PCNX2: variants seen among roughly 807,000 people sequenced by gnomAD.
PCNX2 encodes pecanex-like protein 2.
A neutral mutation model predicts 223.8 loss-of-function variants in PCNX2; 168 were observed. That is an observed-to-expected ratio of 0.75 (90% confidence interval 0.66 to 0.85). PCNX2 has a LOEUF of 0.85. Among genes scored for constraint, PCNX2 ranks in the 40% least tolerant of loss-of-function variants. The pLI, the probability that PCNX2 is intolerant of heterozygous loss-of-function variation, is 0.00. For missense variants in PCNX2, 2,507 were observed against 2,675.5 expected, an observed-to-expected ratio of 0.94 and a Z score of 1.39; for synonymous variants, 1,006 against 1,052.6, an observed-to-expected ratio of 0.96 and a Z score of 0.86.
chr1:233,004,902 G>A (rs1464148190), intron 28 of PCNX2, among the ~76,000 whole-genome samples: 2 of 152,190 alleles, frequency 1.3e-5, no homozygotes, highest in Non-Finnish European at 2.9e-5. Context: ...GCCTAGAGGA[G>A]CCTGGAATCT....
chr1:233,213,984 G>A (rs902662876), intron 12 of PCNX2, among the ~76,000 whole-genome samples: 13 of 151,490 alleles, frequency 8.6e-5, no homozygotes, highest in Admixed American at 2.6e-4. Flanking sequence ...GCCTGCCACC[G>A]TGCCCAGCTA....
At chr1:233,130,130 C>T (rs763473186) in intron 21 of PCNX2, among the ~76,000 whole-genome samples, 4 of 152,104 alleles carry the variant, frequency 2.6e-5, no homozygotes, top group Non-Finnish European at 5.9e-5. Context: ...CTGAAGCCAG[C>T]GAGACCACGA....
Position 233,198,506 on chromosome 1 carries a change from C to A in PCNX2, c.3066+433G>T, listed in dbSNP as rs575223608. Among the ~76,000 whole-genome samples, 4 of 152,170 alleles carry A rather than the reference C, an allele frequency of 2.6e-5. No individual in the cohort carries two copies. The South Asian group carries it at 6.2e-4, about 24-fold the overall frequency. On this transcript the variant is annotated intron_variant, in intron 15 of 33. Coordinates refer to ENST00000258229, the MANE Select transcript of PCNX2 (RefSeq NM_014801.4). ...TTCCCCTTCTGGGTAAGTCTATAGTCCCTCTGTTTTCTAGATTCTAACATT... is the reference window on the plus strand; with the variant it reads ...TTCCCCTTCTGGGTAAGTCTATAGTACCTCTGTTTTCTAGATTCTAACATT...
At chr1:233,234,938 G>A (rs1005088104) in intron 9 of PCNX2, among the ~76,000 whole-genome samples, 1 of 152,040 alleles carries the variant, frequency 6.6e-6, no homozygotes, top group Non-Finnish European at 1.5e-5. Context: ...TGTACGGGCT[G>A]ACAGTGTGTG....
intron 9 of PCNX2, among the ~76,000 whole-genome samples, chr1:233,228,087 CT>C (rs1442260846): frequency 1.3e-5 from 2 of 152,128 alleles, no homozygotes; most frequent in Admixed American, 6.5e-5. Flanking sequence ...TGTAGTCCCC[CT>C]AGTGAAGATG....
chr1:233,053,785 T>C (rs531886846), intron 25 of PCNX2, among the ~76,000 whole-genome samples: 4 of 152,196 alleles, frequency 2.6e-5, no homozygotes, highest in Admixed American at 6.5e-5. Flanking sequence ...TGAAGTGCCT[T>C]CTACATGATC....
At chr1:233,245,684 G>A (rs899622804) in intron 8 of PCNX2, among the ~76,000 whole-genome samples, 2 of 152,218 alleles carry the variant, frequency 1.3e-5, no homozygotes, top group African/African-American at 2.4e-5. Context: ...AGAGGCCAAG[G>A]CAGGCGGATC....
intron 8 of PCNX2, among the ~76,000 whole-genome samples, chr1:233,237,667 G>T (rs1407983541): frequency 1.3e-5 from 2 of 152,090 alleles, no homozygotes; most frequent in Admixed American, 1.3e-4. Flanking sequence ...TTCTAGTAGG[G>T]TATCTATAAC....
chr1:233,214,522 A>G (rs1682008048), intron 12 of PCNX2, among the ~76,000 whole-genome samples: 1 of 152,188 alleles, frequency 6.6e-6, no homozygotes, highest in Non-Finnish European at 1.5e-5. Context: ...GAGGGGGGAA[A>G]TCGAGCTCTG....
intron 4 of PCNX2, among the ~76,000 whole-genome samples, chr1:233,260,225 C>T (rs1659976548): frequency 6.6e-6 from 1 of 152,152 alleles, no homozygotes; most frequent in African/African-American, 2.4e-5. Context: ...GCTACCTGTA[C>T]ATTTTACATA....
intron 23 of PCNX2, among the ~76,000 whole-genome samples, chr1:233,077,168 G>T (rs1283881646): frequency 6.6e-6 from 1 of 152,162 alleles, no homozygotes; most frequent in African/African-American, 2.4e-5. Context: ...GACAAAGAAT[G>T]AATAGGAAAT....
intron 17 of PCNX2, among the ~76,000 whole-genome samples, chr1:233,177,117 A>G (rs1208889231): frequency 6.6e-6 from 1 of 152,264 alleles, no homozygotes; most frequent in Non-Finnish European, 1.5e-5. Context: ...AACTTCTCTT[A>G]GAAGCAAAAT....
chr1:233,182,209 T>C (rs1679842058), intron 15 of PCNX2, among the ~76,000 whole-genome samples: 2 of 152,212 alleles, frequency 1.3e-5, no homozygotes, highest in Admixed American at 1.3e-4. Flanking sequence ...GTTTTTGACA[T>C]GGGAGGGGTC....
At chr1:233,302,792 G>T in the PCNX2 span, among the ~76,000 whole-genome samples, 1 of 151,564 alleles carries the variant, frequency 6.6e-6, no homozygotes, top group Non-Finnish European at 1.5e-5. Flanking sequence ...AGATTATTTC[G>T]AAGTATATTG....
chr1:233,325,711 G>C, the PCNX2 span, among the ~76,000 whole-genome samples: 1 of 152,018 alleles, frequency 6.6e-6, no homozygotes, highest in South Asian at 2.1e-4. Flanking sequence ...TTCTTATGGA[G>C]AGGCAAAAAA....
intron 21 of PCNX2, among the ~76,000 whole-genome samples, chr1:233,119,772 A>G (rs1243860160): frequency 6.6e-6 from 1 of 152,112 alleles, no homozygotes; most frequent in Non-Finnish European, 1.5e-5. Flanking sequence ...TAAAATTAAA[A>G]CTTTTTGTAC....
At chr1:233,199,133 T>C (rs1324119721) in intron 14 of PCNX2, 103 bp from the exon 15 acceptor site, 2 of 1,041,666 alleles carry the variant, frequency 1.9e-6, no homozygotes, top group African/African-American at 1.6e-5. Context: ...ACAAGATGCC[T>C]GCTGAAGGGG....
chr1:233,278,759 TCTTGTTG>T (rs1345629230), intron 1 of PCNX2, among the ~76,000 whole-genome samples: 8 of 152,272 alleles, frequency 5.3e-5, no homozygotes, highest in African/African-American at 1.9e-4. Context: ...TGTGAGCAAG[TCTTGTTG>T]CTAACATACC....
At chr1:233,307,259 G>C in the PCNX2 span, among the ~76,000 whole-genome samples, 3 of 152,184 alleles carry the variant, frequency 2.0e-5, no homozygotes, top group Non-Finnish European at 4.4e-5. Context: ...AGGTGGGTGT[G>C]GTGGGAGGTC....
Sources: gnomAD v4.1 joint callset for allele counts (sites outside exome capture counted in the v4.1 genomes callset) on GRCh38, gnomAD v4.1.1 for gene constraint, MANE v1.5 for transcripts, NCBI Gene and HGNC (gene_info 2026-07-23, HGNC 2026-07-21) for gene names.